Variants in FGF14 observed in about 807,000 individuals in gnomAD.
The protein encoded by FGF14 is fibroblast growth factor homologous factor 4.
In FGF14, 5 loss-of-function variants were observed where a neutral mutation model predicts 25.5. The observed-to-expected ratio is 0.20, with a 90% CI of 0.10 to 0.41. The LOEUF (loss-of-function observed/expected upper bound fraction) is 0.41, where lower values mean the gene tolerates loss of function less well. Ranked by LOEUF, FGF14 falls within the 10% of genes least tolerant of loss-of-function variation. FGF14 has a pLI of 1.00. For missense variants in FGF14, 222 were observed against 320.1 expected (o/e 0.69, Z 2.34); for synonymous variants, 138 against 118.3 (o/e 1.17, Z -1.08).
chr13:101,866,342 T>C (rs1252821007), intron 3 of FGF14, among the ~76,000 whole-genome samples: 1 of 152,096 alleles, frequency 6.6e-6, no homozygotes, highest in Non-Finnish European at 1.5e-5. Context: ...AAAGCAGTGA[T>C]AATAAAACAG....
intron 1 of FGF14, among the ~76,000 whole-genome samples, chr13:101,915,757 G>A (rs1196058368): frequency 6.6e-6 from 1 of 152,200 alleles, no homozygotes; most frequent in Non-Finnish European, 1.5e-5. Flanking sequence ...ACATATTAGG[G>A]ATTTTTACTT....
rs1042686124 is a variant in FGF14, at chr13:102,064,653, T to G, written c.209-189357A>C. 3.3e-5 allele frequency among the ~76,000 whole-genome samples: 5 copies of G among 152,194 alleles called. No homozygotes were observed. In the South Asian group the frequency reaches 1.0e-3, roughly 32 times the overall value. On this transcript the variant is annotated intron_variant, in intron 1 of 4. Coordinates refer to the FGF14 transcript ENST00000376131. ...AATTTGTGTAAGTCTTTTAATGATA[T>G]AGTTGGCTCTTAATATTCCTGGGTT...
intron 1 of FGF14, among the ~76,000 whole-genome samples, chr13:102,069,037 G>C (rs567710007): frequency 1.3e-5 from 2 of 151,832 alleles, no homozygotes; most frequent in Non-Finnish European, 1.5e-5. Context: ...TGCACCAATC[G>C]ACACTCTGTA....
chr13:102,290,043 T>C (rs948722602), intron 1 of FGF14, among the ~76,000 whole-genome samples: 2 of 152,186 alleles, frequency 1.3e-5, no homozygotes, highest in Admixed American at 1.3e-4. Flanking sequence ...TCAGGATATT[T>C]AGAAAGAGAC....
At chr13:101,789,900 C>A (rs66803408) in intron 3 of FGF14, among the ~76,000 whole-genome samples, 1 of 151,402 alleles carries the variant, frequency 6.6e-6, no homozygotes, top group Non-Finnish European at 1.5e-5. Context: ...CATTATTATT[C>A]ATATTATTAT....
intron 3 of FGF14, among the ~76,000 whole-genome samples, chr13:101,793,954 A>G (rs12868539): frequency 0.043 from 6,503 of 152,102 alleles, 225 homozygotes; most frequent in African/African-American, 0.082. Flanking sequence ...ATGGAAATAT[A>G]TGGGAGATAG....
intron 1 of FGF14, among the ~76,000 whole-genome samples, chr13:101,955,876 T>C (rs1473649498): frequency 6.6e-6 from 1 of 152,208 alleles, no homozygotes; most frequent in Non-Finnish European, 1.5e-5. Flanking sequence ...ACCGAATTTT[T>C]TAAAAGATAA....
intron 1 of FGF14, among the ~76,000 whole-genome samples, chr13:102,372,651 T>C (rs1386045500): frequency 6.6e-6 from 1 of 151,976 alleles, no homozygotes; most frequent in Non-Finnish European, 1.5e-5. Context: ...TCTAAGATCA[T>C]GTCTCAGAAT....
intron 3 of FGF14, among the ~76,000 whole-genome samples, chr13:101,833,659 G>A (rs2042787705): frequency 6.6e-6 from 1 of 151,988 alleles, no homozygotes; most frequent in Non-Finnish European, 1.5e-5. Flanking sequence ...GCATATGTGT[G>A]TATATATGTA....
At chr13:102,274,984 A>C (rs899281875) in intron 1 of FGF14, among the ~76,000 whole-genome samples, 3 of 152,014 alleles carry the variant, frequency 2.0e-5, no homozygotes, top group Admixed American at 6.6e-5. Flanking sequence ...CATTCAACTC[A>C]TAAGTATCTA....
intron 1 of FGF14, among the ~76,000 whole-genome samples, chr13:102,130,088 A>C (rs2046128378): frequency 6.6e-6 from 1 of 152,200 alleles, no homozygotes; most frequent in Admixed American, 6.5e-5. Flanking sequence ...CATACTAGGA[A>C]CTCAGTAGTT....
At chr13:101,871,667 A>G (rs1436275788) in intron 2 of FGF14, among the ~76,000 whole-genome samples, 1 of 152,026 alleles carries the variant, frequency 6.6e-6, no homozygotes, top group Non-Finnish European at 1.5e-5. Context: ...GAAAAAATCC[A>G]TGGCATCCCC....
At chr13:101,855,903 G>GTTTT (rs11446357) in intron 3 of FGF14, among the ~76,000 whole-genome samples, 14 of 147,500 alleles carry the variant, frequency 9.5e-5, no homozygotes, top group Admixed American at 4.7e-4. Context: ...ATTCCTACAA[G>GTTTT]TTTTTTTTTT....
At chr13:102,069,018 G>A (rs1422178031) in intron 1 of FGF14, among the ~76,000 whole-genome samples, 1 of 152,192 alleles carries the variant, frequency 6.6e-6, no homozygotes, top group African/African-American at 2.4e-5. Flanking sequence ...TTTAGCTCAA[G>A]GTTTGTAGTG....
chr13:102,120,741 C>T lies in FGF14; in HGVS notation c.209-245445G>A, dbSNP rs112801013. Among the ~76,000 whole-genome samples, 441 of 151,150 alleles carry T rather than the reference C, an allele frequency of 2.9e-3. 2 individuals carry two copies. The highest frequency in any genetic ancestry group is 0.01 in the African/African-American group (423 of 41,216). On this transcript the variant is annotated intron_variant, in intron 1 of 4. Transcript: ENST00000376131. ...TTTTTCGAGACAGAGTCTCCTTTTG[C>T]CGCCCAGGCTGGAGTGCAGTGACAC...
At chr13:101,923,962 CT>C (rs2034186757) in intron 1 of FGF14, among the ~76,000 whole-genome samples, 1 of 152,052 alleles carries the variant, frequency 6.6e-6, no homozygotes. Flanking sequence ...TTCTCAGTAG[CT>C]TCCAGCCTTC....
At chr13:102,306,054 T>C (rs900912018) in intron 1 of FGF14, among the ~76,000 whole-genome samples, 1 of 152,200 alleles carries the variant, frequency 6.6e-6, no homozygotes, top group African/African-American at 2.4e-5. Context: ...ACTCATTTTG[T>C]CGGAGAGGTA....
chr13:102,181,674 C>A (rs920787175), intron 1 of FGF14, among the ~76,000 whole-genome samples: 4 of 152,166 alleles, frequency 2.6e-5, no homozygotes, highest in African/African-American at 9.7e-5. Context: ...GGTTGGTCAG[C>A]TTCTTTATAT....
chr13:101,979,205 A>C (rs1403590264), intron 1 of FGF14, among the ~76,000 whole-genome samples: 1 of 152,254 alleles, frequency 6.6e-6, no homozygotes, highest in Non-Finnish European at 1.5e-5. Context: ...AAGCATAAAA[A>C]TGGAGAAATG....
Sources: gnomAD v4.1 joint callset for allele counts (sites outside exome capture counted in the v4.1 genomes callset) on GRCh38, gnomAD v4.1.1 for gene constraint, MANE v1.5 for transcripts, NCBI Gene and HGNC (gene_info 2026-07-23, HGNC 2026-07-21) for gene names.